VOPP1: variants seen among roughly 807,000 people sequenced by gnomAD.
VOPP1 encodes WW domain binding protein VOPP1.
In VOPP1, 8 loss-of-function variants were observed where a neutral mutation model predicts 23.5. The observed-to-expected ratio is 0.34, with a 90% confidence interval of 0.20 to 0.61. VOPP1 has a LOEUF of 0.61. VOPP1 is among the 20% of genes least tolerant of loss of function. VOPP1 has a pLI of 0.78. For missense variants in VOPP1, 174 were observed against 238.1 expected (o/e 0.73, Z 1.77); for synonymous variants, 83 against 97.3 (o/e 0.85, Z 0.86).
intron 4 of VOPP1, among the ~76,000 whole-genome samples, chr7:55,450,475 A>G (rs1791215839): frequency 6.6e-6 from 1 of 152,250 alleles, no homozygotes; most frequent in Non-Finnish European, 1.5e-5. Flanking sequence ...GGAAGTGTGC[A>G]TTGAGTATGT....
intron 1 of VOPP1, among the ~76,000 whole-genome samples, chr7:55,553,223 C>T (rs1381545527): frequency 6.6e-6 from 1 of 152,194 alleles, no homozygotes; most frequent in Non-Finnish European, 1.5e-5. Context: ...TGCAGTTCCT[C>T]TGTTATACAG....
intron 4 of VOPP1, among the ~76,000 whole-genome samples, chr7:55,447,739 A>G (rs145978741): frequency 1.3e-5 from 2 of 152,262 alleles, no homozygotes; most frequent in East Asian, 1.9e-4. Flanking sequence ...ATTTAATGCT[A>G]TGTTTCATAT....
chr7:55,444,903 C>T (rs1308258069), intron 4 of VOPP1, among the ~76,000 whole-genome samples: 1 of 152,128 alleles, frequency 6.6e-6, no homozygotes, highest in East Asian at 1.9e-4. Context: ...TATTTGCCAT[C>T]TGGAAGGTCT....
At chr7:55,499,717 G>C (rs916119320) in intron 2 of VOPP1, among the ~76,000 whole-genome samples, 2 of 152,172 alleles carry the variant, frequency 1.3e-5, no homozygotes, top group African/African-American at 4.8e-5. Context: ...GTCTGCCAAT[G>C]AGGGAAGCTG....
intron 1 of VOPP1, among the ~76,000 whole-genome samples, chr7:55,543,209 C>A (rs1258983642): frequency 1.3e-5 from 2 of 152,218 alleles, no homozygotes; most frequent in African/African-American, 4.8e-5. Context: ...GCCACCGCAC[C>A]CAGCCTAGGA....
chr7:55,498,193 G>C (rs1295513236), intron 2 of VOPP1, among the ~76,000 whole-genome samples: 1 of 152,238 alleles, frequency 6.6e-6, no homozygotes, highest in African/African-American at 2.4e-5. Flanking sequence ...TACTAGTTGT[G>C]GGGACTTCTG....
At position 55,538,767 on chromosome 7, in the gene VOPP1, C is replaced by T. The variant is rs900597902; in HGVS notation, c.55-17637G>A. The T allele has an allele frequency of 1.8e-5, 17 of 958,890 alleles. No homozygotes were observed. The South Asian group carries it at 1.9e-4, about 11-fold the overall frequency. 59.4% of individuals were successfully genotyped at this position (958,890 alleles called of 1,614,324 possible). ...AAAGGAACGCTTTCTAAGGGGAATG[C>T]TGTGGGTTTGAGCTGCTGATGAGGA... On this transcript the variant is annotated intron_variant, in intron 1 of 4. Coordinates refer to ENST00000285279, the MANE Select transcript of VOPP1 (RefSeq NM_030796.5).
intron 1 of VOPP1, among the ~76,000 whole-genome samples, chr7:55,540,846 C>G (rs910688115): frequency 7.2e-5 from 11 of 152,128 alleles, no homozygotes; most frequent in African/African-American, 2.7e-4. Context: ...TTATGTCTGG[C>G]TTAGATCTCA....
At chr7:55,443,255 T>TA (rs755382552) in intron 4 of VOPP1, among the ~76,000 whole-genome samples, 13 of 151,942 alleles carry the variant, frequency 8.6e-5, no homozygotes, top group Non-Finnish European at 1.8e-4. Flanking sequence ...AAACAATTTT[T>TA]AAAAAACAGA....
At chr7:55,459,714 T>C (rs1323948401) in intron 4 of VOPP1, among the ~76,000 whole-genome samples, 1 of 152,142 alleles carries the variant, frequency 6.6e-6, no homozygotes, top group Non-Finnish European at 1.5e-5. Flanking sequence ...TCAGTTATAA[T>C]ATCTTCTTTC....
chr7:55,481,914 G>A (rs1270725220), intron 4 of VOPP1, among the ~76,000 whole-genome samples: 3 of 152,054 alleles, frequency 2.0e-5, no homozygotes, highest in Non-Finnish European at 4.4e-5. Flanking sequence ...AAACGTATTC[G>A]GACACCTTTG....
At chr7:55,523,984 A>G (rs572093252) in intron 1 of VOPP1, among the ~76,000 whole-genome samples, 1 of 152,348 alleles carries the variant, frequency 6.6e-6, no homozygotes, top group East Asian at 1.9e-4. Flanking sequence ...ATTATAAAAG[A>G]CTATCATGAC....
chr7:55,562,144 C>A, intron 1 of VOPP1: 1 of 696,402 alleles, frequency 1.4e-6, no homozygotes, highest in South Asian at 1.5e-5. Flanking sequence ...CTGAGAATGG[C>A]AAGGAGGTCT....
intron 3 of VOPP1, among the ~76,000 whole-genome samples, chr7:55,495,115 G>A (rs974166881): frequency 6.6e-6 from 1 of 151,944 alleles, no homozygotes; most frequent in African/African-American, 2.4e-5. Flanking sequence ...CAGCTACTGT[G>A]CAAGCCCTGC....
intron 1 of VOPP1, among the ~76,000 whole-genome samples, chr7:55,538,306 T>C (rs1796928239): frequency 6.6e-6 from 1 of 152,246 alleles, no homozygotes; most frequent in Admixed American, 6.5e-5. Flanking sequence ...TCTCTGGTCC[T>C]TCTCTAGGTC....
intron 2 of VOPP1, among the ~76,000 whole-genome samples, 192 bp downstream of exon 2, chr7:55,520,880 C>T (rs750724356): frequency 4.6e-5 from 7 of 152,238 alleles, no homozygotes; most frequent in African/African-American, 9.6e-5. Flanking sequence ...CTGTCCTCAA[C>T]GTAACTGGTC....
intron 4 of VOPP1, among the ~76,000 whole-genome samples, chr7:55,482,464 C>T (rs1047260640): frequency 4.7e-5 from 7 of 149,622 alleles, no homozygotes; most frequent in African/African-American, 1.7e-4. Flanking sequence ...TACAGGCACC[C>T]ACCACCACAC....
At chr7:55,456,258 G>C (rs561706232) in intron 4 of VOPP1, among the ~76,000 whole-genome samples, 1 of 152,250 alleles carries the variant, frequency 6.6e-6, no homozygotes, top group South Asian at 2.1e-4. Flanking sequence ...AAACCAACTC[G>C]TGCCAGTTAG....
At chr7:55,537,802 C>T (rs1261653903) in intron 1 of VOPP1, 2 of 997,972 alleles carry the variant, frequency 2.0e-6, no homozygotes, top group Non-Finnish European at 2.7e-6. Flanking sequence ...TTCCCACAGC[C>T]CCCACTTCCC....
Sources: allele counts gnomAD v4.1 joint callset (sites outside exome capture counted in the v4.1 genomes callset), GRCh38; gene constraint gnomAD v4.1.1; transcripts MANE v1.5; gene names NCBI Gene and HGNC (gene_info 2026-07-23, HGNC 2026-07-21).